Variants in RBFOX1 observed in about 807,000 individuals in gnomAD.
RBFOX1 encodes the protein RNA binding protein fox-1 homolog 1.
In RBFOX1, 8 loss-of-function variants were observed where a neutral mutation model predicts 57.7. That is an observed-to-expected ratio of 0.14 (90% CI 0.08 to 0.25). The LOEUF (loss-of-function observed/expected upper bound fraction) is 0.25, where lower values mean the gene tolerates loss of function less well. RBFOX1 is among the 10% of genes least tolerant of loss of function. The pLI, the probability that RBFOX1 is intolerant of heterozygous loss-of-function variation, is 1.00. For synonymous variants in RBFOX1, 326 were observed against 222.4 expected (o/e 1.47, Z -4.15); for missense variants, 611 against 548.5 (o/e 1.11, Z -1.14).
chr16:7,084,211 G>C (rs955647140), intron 4 of RBFOX1, among the ~76,000 whole-genome samples: 1 of 152,080 alleles, frequency 6.6e-6, no homozygotes, highest in Non-Finnish European at 1.5e-5. Flanking sequence ...AAATATAACA[G>C]AACACTGTGC....
chr16:6,059,554 T>C (rs1171997501), intron 1 of RBFOX1, among the ~76,000 whole-genome samples: 1 of 152,204 alleles, frequency 6.6e-6, no homozygotes, highest in African/African-American at 2.4e-5. Flanking sequence ...TAAAGGGAAC[T>C]ATTCAAAGTT....
At chr16:6,465,316 C>A (rs2095021894) in intron 2 of RBFOX1, among the ~76,000 whole-genome samples, 1 of 152,124 alleles carries the variant, frequency 6.6e-6, no homozygotes, top group African/African-American at 2.4e-5. Context: ...AGGGCACTCT[C>A]CGTGTACCTT....
intron 4 of RBFOX1, among the ~76,000 whole-genome samples, chr16:5,994,812 T>C (rs1445113520): frequency 6.6e-6 from 1 of 152,196 alleles, no homozygotes; most frequent in Non-Finnish European, 1.5e-5. Flanking sequence ...TCTTCTCCAC[T>C]ATATTTCAGG....
chr16:5,677,064 C>A (rs2050189346), intron 3 of RBFOX1, among the ~76,000 whole-genome samples: 1 of 152,200 alleles, frequency 6.6e-6, no homozygotes, highest in African/African-American at 2.4e-5. Context: ...AATTCTGCAT[C>A]TTCCCAGGCT....
rs1038351027 is a variant in RBFOX1 at position 6,345,687 on chromosome 16, T to C, written c.-64+28630T>C. Among the ~76,000 whole-genome samples the C allele has an allele frequency of 3.3e-5, 5 of 152,168 alleles. No individual in the cohort carries two copies. In the East Asian group the frequency reaches 9.6e-4, roughly 29 times the overall value. Reference sequence around the variant, plus strand: ...AGTTTCTCCCTTCATGGAGCTTACATTCTAAAAGAGGGATCAGATGTTGAC... The same window carrying C: ...AGTTTCTCCCTTCATGGAGCTTACACTCTAAAAGAGGGATCAGATGTTGAC... On this transcript the variant is annotated intron_variant, in intron 2 of 15. Coordinates refer to ENST00000550418, the MANE Select transcript of RBFOX1 (RefSeq NM_018723.4).
chr16:5,710,049 C>A lies in RBFOX1; in HGVS notation c.318+111088C>A, dbSNP rs914573455. On this transcript the variant is annotated intron_variant, in intron 3 of 19. Transcript: ENST00000641259. ...AAGGGTTTTGTGATTTTTAAGTGCCCATGTATCTTCAGCACCCGGGACAGC... is the reference window on the plus strand; with the variant it reads ...AAGGGTTTTGTGATTTTTAAGTGCCAATGTATCTTCAGCACCCGGGACAGC... Among the ~76,000 whole-genome samples the A allele has an allele frequency of 5.3e-5, 8 of 150,334 alleles. No homozygotes were observed. The South Asian group carries it at 1.5e-3, about 28-fold the overall frequency.
chr16:5,443,045 A>G (rs767975863), intron 1 of RBFOX1, among the ~76,000 whole-genome samples: 1 of 152,186 alleles, frequency 6.6e-6, no homozygotes, highest in African/African-American at 2.4e-5. Flanking sequence ...AGAGACTGAA[A>G]GAGGCAAGGA....
chr16:5,649,919 A>G (rs4786050), intron 3 of RBFOX1, among the ~76,000 whole-genome samples: 136,365 of 152,166 alleles, frequency 0.9, 62,109 homozygotes, highest in East Asian at 1. Context: ...TCATCAGAGG[A>G]GGTAGCACTC....
At chr16:6,929,510 C>G (rs545854684) in intron 3 of RBFOX1, among the ~76,000 whole-genome samples, 1 of 151,986 alleles carries the variant, frequency 6.6e-6, no homozygotes, top group Non-Finnish European at 1.5e-5. Flanking sequence ...TTATTGCAAG[C>G]CACAATATTT....
intron 1 of RBFOX1, among the ~76,000 whole-genome samples, chr16:6,140,806 C>G (rs1045652631): frequency 6.6e-6 from 1 of 152,204 alleles, no homozygotes; most frequent in Non-Finnish European, 1.5e-5. Context: ...GCTGTGTTTC[C>G]TTCTCACTTC....
intron 2 of RBFOX1, among the ~76,000 whole-genome samples, chr16:6,457,214 G>A (rs1416965555): frequency 6.6e-6 from 1 of 152,176 alleles, no homozygotes; most frequent in Non-Finnish European, 1.5e-5. Flanking sequence ...AGCACCAGTA[G>A]CTAGAGATGT....
chr16:7,358,293 A>G (rs61289514), intron 4 of RBFOX1, among the ~76,000 whole-genome samples: 5,341 of 152,342 alleles, frequency 0.035, 212 homozygotes, highest in African/African-American at 0.096. Flanking sequence ...ACCGAAAGGG[A>G]CAGGTGACAG....
chr16:5,564,825 C>G (rs2046009050), intron 2 of RBFOX1, among the ~76,000 whole-genome samples: 1 of 152,188 alleles, frequency 6.6e-6, no homozygotes, highest in Non-Finnish European at 1.5e-5. Flanking sequence ...CAGCACTTCT[C>G]TGGTGGATGC....
At chr16:5,824,141 C>T (rs1015348163) in intron 3 of RBFOX1, among the ~76,000 whole-genome samples, 1 of 152,170 alleles carries the variant, frequency 6.6e-6, no homozygotes, top group Non-Finnish European at 1.5e-5. Context: ...TGCTCTTATC[C>T]ACTTTGAGGA....
intron 2 of RBFOX1, among the ~76,000 whole-genome samples, chr16:6,325,042 C>T (rs567460610): frequency 6.6e-6 from 1 of 152,232 alleles, no homozygotes; most frequent in East Asian, 1.9e-4. Flanking sequence ...GATCTACATT[C>T]ATGGGTTGTA....
chr16:6,936,842 A>T (rs2077448548), intron 3 of RBFOX1, among the ~76,000 whole-genome samples: 2 of 150,554 alleles, frequency 1.3e-5, no homozygotes, highest in South Asian at 4.2e-4. Flanking sequence ...ATGCTCAAAA[A>T]CAGTGTATTT....
chr16:7,371,780 T>G (rs930225217), intron 4 of RBFOX1, among the ~76,000 whole-genome samples: 8 of 152,184 alleles, frequency 5.3e-5, no homozygotes, highest in Non-Finnish European at 7.3e-5. Context: ...TGTAGATATA[T>G]GATACATACA....
chr16:7,627,310 G>C (rs372409985), intron 10 of RBFOX1, among the ~76,000 whole-genome samples: 18 of 152,180 alleles, frequency 1.2e-4, no homozygotes, highest in African/African-American at 3.6e-4. Flanking sequence ...TGGCTGTGTT[G>C]AGAATGATTG....
At chr16:5,488,178 G>C (rs1416881577) in intron 2 of RBFOX1, among the ~76,000 whole-genome samples, 2 of 93,346 alleles carry the variant, frequency 2.1e-5, no homozygotes, top group African/African-American at 6.6e-5. Flanking sequence ...GAAAGACGGT[G>C]GTGATGGCAG....
Sources: allele counts gnomAD v4.1 joint callset (sites outside exome capture counted in the v4.1 genomes callset), GRCh38; gene constraint gnomAD v4.1.1; transcripts MANE v1.5; gene names NCBI Gene and HGNC (gene_info 2026-07-23, HGNC 2026-07-21).